Variants in STPG2 observed in about 807,000 individuals in gnomAD.
The protein encoded by STPG2 is sperm-tail PG-rich repeat-containing protein 2.
In STPG2, 56 loss-of-function variants were observed where a neutral mutation model predicts 54.2. The observed-to-expected ratio is 1.03, with a 90% CI of 0.83 to 1.29. The LOEUF (loss-of-function observed/expected upper bound fraction) is 1.29. STPG2 is among the 50% of genes most tolerant of loss of function. The probability of loss-of-function intolerance (pLI) is 0.00; values close to 1 mark genes in which losing one functional copy is unlikely to be tolerated. For synonymous variants in STPG2, 200 were observed against 181.8 expected, an observed-to-expected ratio of 1.10 and a Z score of -0.81; for missense variants, 596 against 544.9, an observed-to-expected ratio of 1.09 and a Z score of -0.93.
At chr4:98,034,495 A>G (rs1560647770) in intron 5 of STPG2, among the ~76,000 whole-genome samples, 1 of 152,214 alleles carries the variant, frequency 6.6e-6, no homozygotes, top group Non-Finnish European at 1.5e-5. Context: ...GATAGGAAGA[A>G]TCAATATTGT....
intron 4 of STPG2, among the ~76,000 whole-genome samples, chr4:97,475,523 A>C (rs1462275147): frequency 6.6e-6 from 1 of 150,828 alleles, no homozygotes; most frequent in Non-Finnish European, 1.5e-5. Context: ...TATAATATAT[A>C]TGTACCATAT....
intron 10 of STPG2, among the ~76,000 whole-genome samples, chr4:97,675,571 A>T (rs1722812563): frequency 6.6e-6 from 1 of 152,140 alleles, no homozygotes; most frequent in East Asian, 1.9e-4. Flanking sequence ...TGCTTTTAAA[A>T]TGGTATTCCT....
Position 97,562,379 on chromosome 4 carries a change from A to G in STPG2, c.1321-3262T>C, listed in dbSNP as rs186670591. 8.1e-4 allele frequency among the ~76,000 whole-genome samples: 124 copies of G among 152,316 alleles called. 3 individuals are homozygous for G. Among genetic ancestry groups the G allele is most frequent in the Admixed American group, 7.9e-3 (121 of 15,290 alleles). The stretch of plus-strand genomic sequence containing the variant: ...GGTTTTCTAGATATACAATCATGTC[A>G]TCTGCAAACAGGGACAATTAGACTT... On this transcript the variant is annotated intron_variant, in intron 10 of 10. Transcript: ENST00000295268.
At chr4:98,042,644 T>G (rs1342736570) in intron 5 of STPG2, among the ~76,000 whole-genome samples, 1 of 152,030 alleles carries the variant, frequency 6.6e-6, no homozygotes, top group Non-Finnish European at 1.5e-5. Flanking sequence ...TGACTTCTCT[T>G]TTAATTCAAT....
At chr4:97,707,071 A>G (rs2149002823) in intron 10 of STPG2, among the ~76,000 whole-genome samples, 1 of 152,280 alleles carries the variant, frequency 6.6e-6, no homozygotes, top group South Asian at 2.1e-4. Context: ...AATGAGATCT[A>G]GCAGGTAATT....
At chr4:97,968,399 CA>C (rs1207956420) in intron 7 of STPG2, among the ~76,000 whole-genome samples, 1 of 152,030 alleles carries the variant, frequency 6.6e-6, no homozygotes, top group Non-Finnish European at 1.5e-5. Flanking sequence ...AACTTCCAAT[CA>C]ATAGAAAAAG....
At chr4:97,907,551 C>T (rs1397607949) in intron 8 of STPG2, among the ~76,000 whole-genome samples, 1 of 151,894 alleles carries the variant, frequency 6.6e-6, no homozygotes. Context: ...AAAGAGCCTA[C>T]ATCGCCAAGT....
intron 6 of STPG2, among the ~76,000 whole-genome samples, chr4:97,977,936 T>G (rs1734548790): frequency 6.6e-6 from 1 of 152,170 alleles, no homozygotes; most frequent in Non-Finnish European, 1.5e-5. Flanking sequence ...GGAGAAATGA[T>G]AACTGGTATT....
intron 7 of STPG2, among the ~76,000 whole-genome samples, chr4:97,970,276 A>G (rs540986059): frequency 6.0e-4 from 91 of 152,210 alleles, no homozygotes; most frequent in Non-Finnish European, 1.1e-3. Context: ...TCAAGCTAAC[A>G]ATGACTTTCT....
chr4:97,930,899 A>C (rs1437516402), intron 8 of STPG2, among the ~76,000 whole-genome samples: 1 of 151,660 alleles, frequency 6.6e-6, no homozygotes, highest in Non-Finnish European at 1.5e-5. Flanking sequence ...GAGACCTTTC[A>C]CCTCCATGAT....
intron 4 of STPG2, among the ~76,000 whole-genome samples, chr4:97,525,199 T>C (rs1193956256): frequency 6.6e-6 from 1 of 151,756 alleles, no homozygotes; most frequent in Admixed American, 6.6e-5. Flanking sequence ...TCTAAATATT[T>C]TTAATTTAAT....
At chr4:97,838,506 A>T (rs1728699173) in intron 9 of STPG2, among the ~76,000 whole-genome samples, 2 of 151,138 alleles carry the variant, frequency 1.3e-5, no homozygotes, top group Non-Finnish European at 3.0e-5. Flanking sequence ...AAAAGAATAG[A>T]CAATTTTTTG....
chr4:97,905,358 G>C (rs899052423), intron 8 of STPG2, among the ~76,000 whole-genome samples: 13 of 152,056 alleles, frequency 8.5e-5, no homozygotes, highest in African/African-American at 2.9e-4. Context: ...GCCAAACTAA[G>C]CTTCATAAGT....
In STPG2 at chr4:97,981,235, T is replaced by A; in HGVS notation, c.696A>T (p.Thr232=). Residue 232 remains threonine (T), a synonymous_variant, in exon 6 of 11, where the codon ACA becomes ACT. Coordinates refer to ENST00000295268, the MANE Select transcript of STPG2 (RefSeq NM_174952.3). ...PRTALKSLKK[T]SGLKNIPFGQ... ...CAAATGGAATATTTTTCAGTCCTGATGTTTTCTTCAAAGACTTGAGAGCAG... is the reference window on the plus strand; with the variant it reads ...CAAATGGAATATTTTTCAGTCCTGAAGTTTTCTTCAAAGACTTGAGAGCAG... 1.2e-6 allele frequency: 2 copies of A among 1,614,058 alleles called. No homozygotes were observed. Among genetic ancestry groups the A allele is most frequent in the East Asian group, 2.2e-5 (1 of 44,826 alleles).
chr4:97,578,991 G>T (rs1560670171), intron 10 of STPG2, among the ~76,000 whole-genome samples: 1 of 151,996 alleles, frequency 6.6e-6, no homozygotes, highest in Non-Finnish European at 1.5e-5. Flanking sequence ...AACAATATCA[G>T]TGCCATCTAA....
intron 10 of STPG2, among the ~76,000 whole-genome samples, chr4:97,600,914 C>T (rs560571688): frequency 6.6e-6 from 1 of 151,950 alleles, no homozygotes; most frequent in South Asian, 2.1e-4. Flanking sequence ...AATTGGAATG[C>T]AGAGAAATTT....
At chr4:97,519,066 G>A (rs1731131073) in intron 4 of STPG2, among the ~76,000 whole-genome samples, 1 of 152,000 alleles carries the variant, frequency 6.6e-6, no homozygotes, top group Non-Finnish European at 1.5e-5. Flanking sequence ...TTTAAAAAAT[G>A]TAAAGCCAAT....
chr4:97,861,696 G>C lies in STPG2; in HGVS notation c.1045-20764C>G, dbSNP rs1000280174. 5.9e-5 allele frequency among the ~76,000 whole-genome samples: 9 copies of C among 152,244 alleles called. No individual in the cohort carries two copies. In the South Asian group the frequency reaches 1.9e-3, roughly 32 times the overall value. ...AGAAAGGTCGGGTTACCCACAAAGA[G>C]AAGCCCATCAGACTAACAGCTGCTC... is the stretch of plus-strand genomic sequence containing the variant. On this transcript the variant is annotated intron_variant, in intron 8 of 10. Transcript: ENST00000295268.
chr4:97,618,880 A>T (rs1288860170), intron 10 of STPG2, among the ~76,000 whole-genome samples: 1 of 152,156 alleles, frequency 6.6e-6, no homozygotes, highest in Non-Finnish European at 1.5e-5. Flanking sequence ...TCATCAACAG[A>T]GTGGTGTTAG....
Sources: gnomAD v4.1 joint callset for allele counts (sites outside exome capture counted in the v4.1 genomes callset) on GRCh38, gnomAD v4.1.1 for gene constraint, MANE v1.5 for transcripts, NCBI Gene and HGNC (gene_info 2026-07-23, HGNC 2026-07-21) for gene names.